AARS1: variants seen among roughly 807,000 people sequenced by gnomAD.
AARS1 encodes the protein alanyl-tRNA synthetase 1.
A neutral mutation model predicts 108.9 loss-of-function variants in AARS1; 72 were observed. The ratio of observed to expected loss-of-function variants is 0.66; its 90% CI spans 0.55 to 0.80. The LOEUF is 0.80. AARS1 is among the 30% of genes least tolerant of loss of function. AARS1 has a pLI of 0.00. For missense variants in AARS1, 1,193 were observed against 1,233.2 expected, an observed-to-expected ratio of 0.97 and a Z score of 0.49; for synonymous variants, 489 against 465.7, an observed-to-expected ratio of 1.05 and a Z score of -0.64.
At chr16:70,268,119 G>T in intron 8 of AARS1, 152 bp downstream of exon 8, 2 of 772,942 alleles carry the variant, frequency 2.6e-6, no homozygotes, top group Non-Finnish European at 4.3e-6. Context: ...AGTGAGCCAA[G>T]ATCACTCTAT....
chr16:70,273,955 T>C (rs56833219), intron 4 of AARS1, among the ~76,000 whole-genome samples: 13,820 of 150,384 alleles, frequency 0.092, 2,079 homozygotes, highest in African/African-American at 0.32. Context: ...GACGATCGCC[T>C]GAGCTCAGGC....
At chr16:70,256,472 G>A (rs996342181) in intron 15 of AARS1, among the ~76,000 whole-genome samples, 11 of 151,988 alleles carry the variant, frequency 7.2e-5, no homozygotes, top group Non-Finnish European at 1.6e-4. Flanking sequence ...CCTAATTTTT[G>A]TATTTTTAGT....
chr16:70,278,642 C>T (rs1055842909), intron 2 of AARS1, among the ~76,000 whole-genome samples: 9 of 151,846 alleles, frequency 5.9e-5, no homozygotes, highest in African/African-American at 9.7e-5. Flanking sequence ...AATAATCACA[C>T]GACTGACGGC....
chr16:70,280,166 T>C (rs1291142628), intron 2 of AARS1, among the ~76,000 whole-genome samples: 1 of 152,176 alleles, frequency 6.6e-6, no homozygotes, highest in Non-Finnish European at 1.5e-5. Context: ...ATCCTCTTAC[T>C]TTGGCCTCCC....
chr16:70,270,980 C>A (rs1960386562), intron 5 of AARS1, among the ~76,000 whole-genome samples: 1 of 151,140 alleles, frequency 6.6e-6, no homozygotes, highest in Admixed American at 6.6e-5. Context: ...GAAACCCCAT[C>A]CCTGCCAAAA....
At position 70,282,765 on chromosome 16, in the gene AARS1, T is replaced by A; in HGVS notation, c.-2A>T. Reference sequence around the variant, plus strand: ...ACTTGCTGTTAGAGTAGAGTCCATCTTGAAAGTCACCCCAAAGAACTAATC... The same window carrying A: ...ACTTGCTGTTAGAGTAGAGTCCATCATGAAAGTCACCCCAAAGAACTAATC... On this transcript the variant is annotated 5_prime_UTR_variant, in exon 2 of 21. The change creates a new upstream start codon in the 5' untranslated region. Coordinates refer to ENST00000261772, the MANE Select transcript of AARS1 (RefSeq NM_001605.3). The A allele has an allele frequency of 6.2e-7, 1 of 1,614,098 alleles. No individual in the cohort carries two copies. The highest frequency in any genetic ancestry group is 8.5e-7 in the Non-Finnish European group (1 of 1,180,010).
chr16:70,266,404 G>A (rs1028804378), intron 9 of AARS1, among the ~76,000 whole-genome samples: 1 of 151,956 alleles, frequency 6.6e-6, no homozygotes, highest in Non-Finnish European at 1.5e-5. Flanking sequence ...GCTGAGGCAG[G>A]AGAATGGCAT....
intron 1 of AARS1, 41 bp downstream of exon 1, chr16:70,289,380 C>G: frequency 8.4e-6 from 3 of 355,448 alleles, no homozygotes; most frequent in East Asian, 7.5e-5. Context: ...GCGGGCCCAG[C>G]CGCTCTCCTA....
rs1023233695 is a variant in AARS1, at chr16:70,271,070, C to A, written c.671+711G>T. 8.0e-5 allele frequency among the ~76,000 whole-genome samples: 12 copies of A among 149,368 alleles called. 1 individual carries two copies. The South Asian group carries it at 2.6e-3, about 32-fold the overall frequency. On this transcript the variant is annotated intron_variant, in intron 5 of 20. Coordinates refer to ENST00000261772, the MANE Select transcript of AARS1 (RefSeq NM_001605.3). ...AGGAGGCTGAGGCAGGAGAACTCAG[C>A]AGGCTGAGGCAGGAGAATCGCTTGA...
intron 2 of AARS1, among the ~76,000 whole-genome samples, chr16:70,281,725 G>T (rs777894619): frequency 3.3e-5 from 5 of 152,124 alleles, no homozygotes; most frequent in African/African-American, 4.8e-5. Flanking sequence ...GGTAGAGCAT[G>T]CCTGTAGTCC....
chr16:70,255,051 G>C (rs989198774), intron 16 of AARS1, among the ~76,000 whole-genome samples: 7 of 152,090 alleles, frequency 4.6e-5, no homozygotes, highest in African/African-American at 1.4e-4. Flanking sequence ...CCATGAAAGA[G>C]CACCCATCCT....
intron 4 of AARS1, among the ~76,000 whole-genome samples, chr16:70,275,623 C>A (rs778027046): frequency 2.0e-5 from 3 of 151,344 alleles, no homozygotes; most frequent in Non-Finnish European, 4.4e-5. Context: ...ATTAGCCGGG[C>A]GTGGTGGTGG....
chr16:70,288,554 T>A (rs1016267874), intron 1 of AARS1, among the ~76,000 whole-genome samples: 2 of 146,072 alleles, frequency 1.4e-5, no homozygotes, highest in Non-Finnish European at 3.0e-5. Flanking sequence ...CAGCAACGAC[T>A]GTTCTGGGCT....
intron 19 of AARS1, 139 bp downstream of exon 19, chr16:70,253,575 G>A (rs182280128): frequency 1.4e-4 from 157 of 1,125,438 alleles, no homozygotes; most frequent in Non-Finnish European, 2.0e-4. Context: ...CCCACATGCA[G>A]GGAGCTGCTG....
rs556539799 is a variant in AARS1, at chr16:70,285,224, G to A, written c.-21-2440C>T. ...AGCCTGGGTGGCTGAGGGAGACTCC[G>A]TCTAAAAAAAAAAAAAAAGGAAAAC... On this transcript the variant is annotated intron_variant, in intron 1 of 20. Coordinates refer to ENST00000261772, the MANE Select transcript of AARS1 (RefSeq NM_001605.3). Among the ~76,000 whole-genome samples, 616 of 145,758 alleles carry A rather than the reference G, an allele frequency of 4.2e-3. 10 individuals are homozygous for A. The highest frequency in any genetic ancestry group is 0.015 in the African/African-American group (560 of 37,670).
intron 1 of AARS1, among the ~76,000 whole-genome samples, chr16:70,283,096 G>A (rs1380142863): frequency 2.6e-5 from 4 of 151,990 alleles, no homozygotes. Context: ...CCGAGACTAG[G>A]AATTAGAAAA....
intron 16 of AARS1, among the ~76,000 whole-genome samples, chr16:70,255,194 A>ATTTTTTTTTT (rs946837808): frequency 9.6e-6 from 1 of 104,276 alleles, no homozygotes; most frequent in African/African-American, 3.7e-5. Context: ...CCAGATTCAC[A>ATTTTTTTTTT]TTTTTTTTTT....
At chr16:70,272,924 A>AC (rs1567608986) in intron 4 of AARS1, among the ~76,000 whole-genome samples, 39 of 151,014 alleles carry the variant, frequency 2.6e-4, no homozygotes, top group African/African-American at 5.3e-4. Flanking sequence ...ACACACACAC[A>AC]AAAGATTGTG....
At chr16:70,259,914 A>T (rs938658062) in intron 13 of AARS1, among the ~76,000 whole-genome samples, 1 of 152,022 alleles carries the variant, frequency 6.6e-6, no homozygotes, top group Admixed American at 6.6e-5. Flanking sequence ...CTGGGATTAC[A>T]GGCATGCACC....
Sources: gnomAD v4.1 joint callset for allele counts (sites outside exome capture counted in the v4.1 genomes callset) on GRCh38, gnomAD v4.1.1 for gene constraint, MANE v1.5 for transcripts, NCBI Gene and HGNC (gene_info 2026-07-23, HGNC 2026-07-21) for gene names.